Variants in GRIP1 observed in about 807,000 individuals in gnomAD.
The protein encoded by GRIP1 is glutamate receptor-interacting protein 1.
GRIP1 carries 45 observed loss-of-function variants against 129.9 expected under a neutral mutation model. The observed-to-expected ratio is 0.35, with a 90% CI of 0.27 to 0.44. GRIP1 has a LOEUF of 0.44. Among genes scored for constraint, GRIP1 ranks in the 20% least tolerant of loss-of-function variants. The pLI, the probability that GRIP1 is intolerant of heterozygous loss-of-function variation, is 1.00. For missense variants in GRIP1, 1,196 were observed against 1,396.8 expected (o/e 0.86, Z 2.29); for synonymous variants, 530 against 520.8 (o/e 1.02, Z -0.24).
At chr12:66,614,210 G>A (rs149279503) in intron 1 of GRIP1, among the ~76,000 whole-genome samples, 1 of 151,896 alleles carries the variant, frequency 6.6e-6, no homozygotes, top group East Asian at 1.9e-4. Context: ...GCCTTTAAAT[G>A]CTAAAAGCTC....
At chr12:66,750,006 T>G (rs2037074271) in intron 1 of GRIP1, among the ~76,000 whole-genome samples, 2 of 152,190 alleles carry the variant, frequency 1.3e-5, no homozygotes, top group South Asian at 2.1e-4. Context: ...CTGTACTGAT[T>G]CTGCTGCCTC....
intron 14 of GRIP1, among the ~76,000 whole-genome samples, chr12:66,427,116 C>T (rs961783856): frequency 1.3e-5 from 2 of 152,126 alleles, no homozygotes; most frequent in South Asian, 4.2e-4. Context: ...AGTTTCTGGT[C>T]CCTGAACCTG....
chr12:66,820,268 C>T (rs769441435), intron 1 of GRIP1, among the ~76,000 whole-genome samples: 1 of 152,036 alleles, frequency 6.6e-6, no homozygotes, highest in Non-Finnish European at 1.5e-5. Flanking sequence ...AAGTCATATG[C>T]GATTAGAGAA....
intron 1 of GRIP1, among the ~76,000 whole-genome samples, chr12:66,601,288 G>A (rs898413267): frequency 6.6e-6 from 1 of 152,174 alleles, no homozygotes; most frequent in African/African-American, 2.4e-5. Flanking sequence ...CACCTAAGGA[G>A]CAATGCTTCA....
intron 1 of GRIP1, among the ~76,000 whole-genome samples, chr12:66,700,733 G>A (rs1033524241): frequency 4.6e-5 from 7 of 152,180 alleles, no homozygotes; most frequent in Non-Finnish European, 7.3e-5. Context: ...GCTAGCAAGA[G>A]ATGACAGGGG....
At chr12:67,001,183 T>C (rs1039085588) in intron 1 of GRIP1, among the ~76,000 whole-genome samples, 1 of 152,192 alleles carries the variant, frequency 6.6e-6, no homozygotes, top group Non-Finnish European at 1.5e-5. Flanking sequence ...CCAGATATTT[T>C]TGGAAAGAGT....
chr12:66,991,091 T>G (rs1327738960), intron 1 of GRIP1, among the ~76,000 whole-genome samples: 1 of 150,228 alleles, frequency 6.7e-6, no homozygotes, highest in African/African-American at 2.5e-5. Flanking sequence ...GCTAACAGGG[T>G]GAAATCCCGT....
chr12:66,772,021 G>A (rs549222708), intron 1 of GRIP1, among the ~76,000 whole-genome samples: 7 of 152,330 alleles, frequency 4.6e-5, no homozygotes, highest in Non-Finnish European at 7.3e-5. Context: ...CAAGACTTAT[G>A]GAGAACTTGT....
intron 2 of GRIP1, among the ~76,000 whole-genome samples, chr12:66,582,433 G>T (rs2063426639): frequency 1.3e-5 from 2 of 149,192 alleles, no homozygotes; most frequent in African/African-American, 4.9e-5. Flanking sequence ...AGGAAATAAA[G>T]GGTATTCAAT....
chr12:66,990,562 A>G (rs1313520604), intron 1 of GRIP1, among the ~76,000 whole-genome samples: 2 of 152,244 alleles, frequency 1.3e-5, no homozygotes, highest in Non-Finnish European at 2.9e-5. Flanking sequence ...TCTAGCCGTG[A>G]GGCTCATGTA....
chr12:66,535,593 C>G (rs2061581640), intron 4 of GRIP1, among the ~76,000 whole-genome samples: 1 of 152,102 alleles, frequency 6.6e-6, no homozygotes, highest in South Asian at 2.1e-4. Context: ...ATGAGCAAAG[C>G]TGCCATGTAA....
chr12:66,841,261 C>A (rs1410992594), intron 1 of GRIP1, among the ~76,000 whole-genome samples: 1 of 152,150 alleles, frequency 6.6e-6, no homozygotes, highest in African/African-American at 2.4e-5. Flanking sequence ...CTCCTTCTCT[C>A]TTTTCTTGTG....
chr12:67,011,449 T>C (rs763940325), intron 1 of GRIP1, among the ~76,000 whole-genome samples: 3 of 152,226 alleles, frequency 2.0e-5, no homozygotes, highest in Admixed American at 1.3e-4. Context: ...TGGCCCCTGC[T>C]ACCTCTCTAC....
intron 7 of GRIP1, among the ~76,000 whole-genome samples, chr12:66,494,653 G>A (rs1946004552): frequency 6.6e-6 from 1 of 152,048 alleles, no homozygotes. Flanking sequence ...TGGGAGGGTT[G>A]CTTGAAGCCA....
upstream of GRIP1, among the ~76,000 whole-genome samples, chr12:66,679,846 T>C (rs748734171): frequency 1.3e-5 from 2 of 152,200 alleles, no homozygotes; most frequent in Admixed American, 6.5e-5. Flanking sequence ...AATAAAACGG[T>C]CTTGCGACAT....
intron 23 of GRIP1, among the ~76,000 whole-genome samples, chr12:66,356,550 G>A (rs942528762): frequency 6.6e-6 from 1 of 151,974 alleles, no homozygotes; most frequent in African/African-American, 2.4e-5. Context: ...AATATTCTTG[G>A]TGAAAATTTC....
chr12:66,394,326 T>A lies in GRIP1; in HGVS notation c.2011A>T (p.Ile671Phe), dbSNP rs1288055769. 1 of 1,614,074 alleles carries A rather than the reference T, an allele frequency of 6.2e-7. No individual in the cohort carries two copies. Among genetic ancestry groups the A allele is most frequent in the South Asian group, 1.1e-5 (1 of 91,082 alleles). ...TAGCGTTTAAGCTCCACGGTGTAAA[T>A]AATTGCTCCGGAACTTTCTTGCTCA... ...SDEQESSGAI[I>F]YTVELKRYGG... Residue 671 changes from isoleucine (I) to phenylalanine (F), a missense_variant, in exon 17 of 25, where the codon ATT (isoleucine) becomes TTT (phenylalanine). Ile to Phe is a conservative substitution (Grantham distance 21, BLOSUM62 0). Transcript: ENST00000359742.
At chr12:66,434,708 G>C (rs562541341) in intron 13 of GRIP1, among the ~76,000 whole-genome samples, 2 of 152,264 alleles carry the variant, frequency 1.3e-5, no homozygotes, top group African/African-American at 4.8e-5. Flanking sequence ...ACAACAAAAG[G>C]CTAATTGCCA....
chr12:66,587,646 G>T (rs959381506), intron 2 of GRIP1, among the ~76,000 whole-genome samples: 11 of 152,226 alleles, frequency 7.2e-5, no homozygotes, highest in Non-Finnish European at 1.5e-4. Flanking sequence ...ATGAGGGTCA[G>T]TTTAGAGGAA....
Sources: allele counts gnomAD v4.1 joint callset (sites outside exome capture counted in the v4.1 genomes callset), GRCh38; gene constraint gnomAD v4.1.1; transcripts MANE v1.5; gene names NCBI Gene and HGNC (gene_info 2026-07-23, HGNC 2026-07-21).